The following HS6ST3 variants were observed in gnomAD, a reference collection of about 807,000 sequenced individuals.
HS6ST3 encodes the protein heparan sulfate 6-O-sulfotransferase 3.
In HS6ST3, 12 loss-of-function variants were observed where a neutral mutation model predicts 36.7. The ratio of observed to expected loss-of-function variants is 0.33; its 90% CI spans 0.21 to 0.53. HS6ST3 has a LOEUF of 0.53. Ranked by LOEUF, HS6ST3 falls within the 20% of genes least tolerant of loss-of-function variation. HS6ST3 has a pLI of 0.95. For missense variants in HS6ST3, 584 were observed against 640.9 expected (o/e 0.91, Z 0.96); for synonymous variants, 240 against 257.5 (o/e 0.93, Z 0.65).
intron 1 of HS6ST3, among the ~76,000 whole-genome samples, chr13:96,317,355 TATATATATATATAA>T (rs1320326041): frequency 1.4e-5 from 1 of 71,158 alleles, no homozygotes; most frequent in Non-Finnish European, 2.4e-5. Flanking sequence ...TATATATATA[TATATATATATATAA>T]AATTATATAT....
chr13:96,511,795 C>T (rs752183610), intron 1 of HS6ST3, among the ~76,000 whole-genome samples: 4 of 152,088 alleles, frequency 2.6e-5, no homozygotes, highest in African/African-American at 4.8e-5. Flanking sequence ...AGTCCTTCTG[C>T]ATTCCTAAGT....
intron 1 of HS6ST3, among the ~76,000 whole-genome samples, chr13:96,223,493 C>A (rs1175921062): frequency 6.6e-6 from 1 of 152,182 alleles, no homozygotes; most frequent in Non-Finnish European, 1.5e-5. Context: ...TGTTGATATA[C>A]ACAGAGCATT....
At chr13:96,140,723 C>G (rs979287002) in intron 1 of HS6ST3, among the ~76,000 whole-genome samples, 1 of 152,130 alleles carries the variant, frequency 6.6e-6, no homozygotes, top group East Asian at 1.9e-4. Context: ...CCTTGTACTT[C>G]TTATGAAATC....
chr13:96,544,015 A>G (rs935661369), intron 1 of HS6ST3, among the ~76,000 whole-genome samples: 1 of 151,890 alleles, frequency 6.6e-6, no homozygotes, highest in Non-Finnish European at 1.5e-5. Context: ...AAGGGAGATC[A>G]GGCATAACTT....
At position 96,285,390 on chromosome 13, in the gene HS6ST3, T is replaced by A. The variant is rs535367906; in HGVS notation, c.707+193821T>A. 3.3e-5 allele frequency among the ~76,000 whole-genome samples: 5 copies of A among 152,320 alleles called. No homozygotes were observed. In the South Asian group the frequency reaches 1.0e-3, roughly 32 times the overall value. ...TATTCTACTTCTAAATTCACGATAC[T>A]AAGTTATGAAACTATAATCACCTTA... On this transcript the variant is annotated intron_variant, in intron 1 of 1. Coordinates refer to ENST00000376705, the MANE Select transcript of HS6ST3 (RefSeq NM_153456.4).
At chr13:96,806,794 A>G (rs1425197549) in intron 1 of HS6ST3, among the ~76,000 whole-genome samples, 8 of 152,218 alleles carry the variant, frequency 5.3e-5, no homozygotes. Context: ...TGACTATTCA[A>G]TTGCAGGTGA....
At chr13:96,229,606 C>T (rs2054498134) in intron 1 of HS6ST3, among the ~76,000 whole-genome samples, 1 of 152,180 alleles carries the variant, frequency 6.6e-6, no homozygotes, top group Non-Finnish European at 1.5e-5. Context: ...ATCTAACCAA[C>T]CCTATTATCT....
intron 1 of HS6ST3, among the ~76,000 whole-genome samples, chr13:96,337,069 T>C (rs1164090248): frequency 6.6e-6 from 1 of 152,180 alleles, no homozygotes; most frequent in African/African-American, 2.4e-5. Flanking sequence ...TTTGTTTGTT[T>C]GTTTGTTTTG....
Position 96,296,924 on chromosome 13 carries a change from C to T in HS6ST3, c.707+205355C>T, listed in dbSNP as rs149292503. Among the ~76,000 whole-genome samples the T allele has an allele frequency of 1.3e-3, 194 of 152,166 alleles. 1 individual carries two copies. Among genetic ancestry groups the T allele is most frequent in the African/African-American group, 4.4e-3 (181 of 41,536 alleles). ...TTTCTTGCCTAGTTTATAGCTTTCA[C>T]CCACAAACTAGTTTTGTGGTCTCTA... On this transcript the variant is annotated intron_variant, in intron 1 of 1. Transcript: ENST00000376705.
intron 1 of HS6ST3, among the ~76,000 whole-genome samples, chr13:96,242,820 T>C (rs1354839188): frequency 6.6e-6 from 1 of 152,226 alleles, no homozygotes; most frequent in Non-Finnish European, 1.5e-5. Context: ...GTCTCACCTC[T>C]GGATTGCTTC....
At chr13:96,742,216 C>A (rs1318362863) in intron 1 of HS6ST3, among the ~76,000 whole-genome samples, 2 of 151,294 alleles carry the variant, frequency 1.3e-5, no homozygotes, top group African/African-American at 2.4e-5. Flanking sequence ...CAGGGGAGTA[C>A]AATTTTAAAA....
At chr13:96,645,028 G>A (rs2056583970) in intron 1 of HS6ST3, among the ~76,000 whole-genome samples, 1 of 151,956 alleles carries the variant, frequency 6.6e-6, no homozygotes, top group African/African-American at 2.4e-5. Context: ...CAGGTCACTA[G>A]ATATGCGCCA....
At chr13:96,181,170 G>T (rs2054238067) in intron 1 of HS6ST3, among the ~76,000 whole-genome samples, 1 of 151,898 alleles carries the variant, frequency 6.6e-6, no homozygotes, top group African/African-American at 2.4e-5. Flanking sequence ...ATCAAATTTA[G>T]CAATTTTATC....
rs67305199 is a variant in HS6ST3, at chr13:96,464,138, C to CAAAAAAAAAAAAAAAAAAAAAAAAA, written c.708-368329_708-368328insAAAAAAAAAAAAAAAAAAAAAAAAA. Among the ~76,000 whole-genome samples, 160 of 38,776 alleles carry CAAAAAAAAAAAAAAAAAAAAAAAAA rather than the reference C, an allele frequency of 4.1e-3. 28 individuals are homozygous for CAAAAAAAAAAAAAAAAAAAAAAAAA. The highest frequency in any genetic ancestry group is 6.6e-3 in the Non-Finnish European group (131 of 19,892). 25.4% of individuals were successfully genotyped at this position (38,776 alleles called of 152,430 possible). A position where few individuals can be genotyped will look rare whatever the true frequency, so the allele number is the denominator to read the frequency against. On this transcript the variant is annotated intron_variant, in intron 1 of 1. Transcript: ENST00000376705. ...TCCTCAGGAAAGGACTGTCAGGCCT[C>CAAAAAAAAAAAAAAAAAAAAAAAAA]AAAAAAAAAAAAAAAAAAAAAAATC...
At chr13:96,359,220 T>A (rs1241885470) in intron 1 of HS6ST3, among the ~76,000 whole-genome samples, 2 of 152,108 alleles carry the variant, frequency 1.3e-5, no homozygotes, top group Non-Finnish European at 2.9e-5. Flanking sequence ...ACATTATGAT[T>A]GATAATGTAA....
intron 1 of HS6ST3, among the ~76,000 whole-genome samples, chr13:96,112,580 T>TAAATAA (rs1555386233): frequency 1.5e-4 from 5 of 33,742 alleles, no homozygotes; most frequent in Admixed American, 2.7e-4. Flanking sequence ...AATAAATAAA[T>TAAATAA]ATATATATAT....
At chr13:96,593,848 C>T (rs2056392236) in intron 1 of HS6ST3, among the ~76,000 whole-genome samples, 2 of 151,740 alleles carry the variant, frequency 1.3e-5, no homozygotes, top group South Asian at 4.2e-4. Flanking sequence ...TATTCCAGTC[C>T]TCATTTGGCT....
intron 1 of HS6ST3, among the ~76,000 whole-genome samples, chr13:96,465,136 C>G (rs1017560882): frequency 2.6e-5 from 4 of 152,080 alleles, no homozygotes; most frequent in African/African-American, 9.7e-5. Flanking sequence ...GGACGCTTAC[C>G]CACTTCTGTT....
chr13:96,661,433 A>C (rs1425559113), intron 1 of HS6ST3, among the ~76,000 whole-genome samples: 3 of 152,014 alleles, frequency 2.0e-5, no homozygotes, highest in Non-Finnish European at 2.9e-5. Context: ...ATGTAAGTGT[A>C]GCTACTCCTG....
Sources: allele counts gnomAD v4.1 joint callset (sites outside exome capture counted in the v4.1 genomes callset), GRCh38; gene constraint gnomAD v4.1.1; transcripts MANE v1.5; gene names NCBI Gene and HGNC (gene_info 2026-07-23, HGNC 2026-07-21).